HS3ST3A1: variants seen among roughly 807,000 people sequenced by gnomAD.
The protein encoded by HS3ST3A1 is heparan sulfate-glucosamine 3-sulfotransferase 3A1, also known as heparan sulfate glucosamine 3-O-sulfotransferase 3A1.
Under a neutral mutation model 25.7 loss-of-function variants are expected in HS3ST3A1, and 19 were observed. The ratio of observed to expected loss-of-function variants is 0.74; its 90% confidence interval spans 0.52 to 1.08. The LOEUF (loss-of-function observed/expected upper bound fraction) is 1.08, where lower values mean the gene tolerates loss of function less well. Ranked by LOEUF, HS3ST3A1 falls within the 50% of genes least tolerant of loss-of-function variation. HS3ST3A1 has a pLI of 0.00. For synonymous variants in HS3ST3A1, 226 were observed against 278.6 expected, an observed-to-expected ratio of 0.81 and a Z score of 1.88; for missense variants, 459 against 594.3, an observed-to-expected ratio of 0.77 and a Z score of 2.37.
intron 1 of HS3ST3A1, among the ~76,000 whole-genome samples, chr17:13,569,847 C>T (rs927823397): frequency 7.2e-5 from 11 of 152,208 alleles, no homozygotes; most frequent in Admixed American, 1.3e-4. Flanking sequence ...TCAGCTCTGG[C>T]TGTCACCTTC....
At chr17:13,548,009 A>G (rs911051149) in intron 1 of HS3ST3A1, among the ~76,000 whole-genome samples, 4 of 151,544 alleles carry the variant, frequency 2.6e-5, no homozygotes, top group African/African-American at 9.7e-5. Flanking sequence ...ACAGCACAGT[A>G]GTCCTGATTA....
intron 1 of HS3ST3A1, among the ~76,000 whole-genome samples, chr17:13,509,000 C>T (rs1170380655): frequency 6.6e-6 from 1 of 150,970 alleles, no homozygotes; most frequent in Non-Finnish European, 1.5e-5. Flanking sequence ...CCAATCTTGC[C>T]TCACCCTGGT....
At chr17:13,599,818 T>C (rs1908671788) in intron 1 of HS3ST3A1, among the ~76,000 whole-genome samples, 3 of 152,250 alleles carry the variant, frequency 2.0e-5, no homozygotes, top group African/African-American at 7.2e-5. Context: ...GTAAAGAGGA[T>C]TGAAGATCTT....
chr17:13,536,370 A>G (rs959700069), intron 1 of HS3ST3A1, among the ~76,000 whole-genome samples: 2 of 152,152 alleles, frequency 1.3e-5, no homozygotes, highest in Non-Finnish European at 2.9e-5. Context: ...ATTTTCTTTT[A>G]TAGACGTGAG....
chr17:13,582,694 A>G (rs749962470), intron 1 of HS3ST3A1, among the ~76,000 whole-genome samples: 1 of 152,148 alleles, frequency 6.6e-6, no homozygotes, highest in Non-Finnish European at 1.5e-5. Context: ...TTTGCATAGT[A>G]CTACTTTCTC....
At chr17:13,569,707 C>A (rs1395729914) in intron 1 of HS3ST3A1, among the ~76,000 whole-genome samples, 1 of 152,202 alleles carries the variant, frequency 6.6e-6, no homozygotes, top group Non-Finnish European at 1.5e-5. Context: ...TGCAAGAGAC[C>A]TCCACTGGGA....
At chr17:13,595,776 G>T (rs917569326) in intron 1 of HS3ST3A1, among the ~76,000 whole-genome samples, 1 of 152,154 alleles carries the variant, frequency 6.6e-6, no homozygotes, top group Non-Finnish European at 1.5e-5. Flanking sequence ...ACTGGGCCCA[G>T]CAATTTGACT....
In HS3ST3A1 at chr17:13,494,671, T is replaced by A. The variant is rs935902640; in HGVS notation, c.*1526A>T. Reference sequence around the variant, plus strand: ...TAAAATGTTGCTGACAGGCTAATTATAAATGTTTTATATATTTCGTGCATA... The same window carrying A: ...TAAAATGTTGCTGACAGGCTAATTAAAAATGTTTTATATATTTCGTGCATA... On this transcript the variant is annotated 3_prime_UTR_variant, in exon 2 of 2. Coordinates refer to ENST00000284110, the MANE Select transcript of HS3ST3A1 (RefSeq NM_006042.3). 2.0e-5 allele frequency among the ~76,000 whole-genome samples: 3 copies of A among 152,238 alleles called. No homozygotes were observed. Among genetic ancestry groups the A allele is most frequent in the Non-Finnish European group, 4.4e-5 (3 of 68,042 alleles).
intron 1 of HS3ST3A1, among the ~76,000 whole-genome samples, chr17:13,557,772 C>G (rs757385989): frequency 6.6e-6 from 1 of 152,154 alleles, no homozygotes; most frequent in African/African-American, 2.4e-5. Context: ...GAGGAGCAGA[C>G]AGGTTGAGAT....
Position 13,495,244 on chromosome 17 carries a change from C to A in HS3ST3A1, c.*953G>T, listed in dbSNP as rs944205047. The stretch of plus-strand genomic sequence containing the variant: ...GTGGCTGGCCACCTTGTCCTCCATG[C>A]AAGAATCCAATAATTCCTCTCCAAT... On this transcript the variant is annotated 3_prime_UTR_variant, in exon 2 of 2. Coordinates refer to ENST00000284110, the MANE Select transcript of HS3ST3A1 (RefSeq NM_006042.3). Among the ~76,000 whole-genome samples, 2 of 152,100 alleles carry A rather than the reference C, an allele frequency of 1.3e-5. No homozygotes were observed. Among genetic ancestry groups the A allele is most frequent in the South Asian group, 4.2e-4 (2 of 4,814 alleles).
At chr17:13,586,730 C>T (rs1031378377) in intron 1 of HS3ST3A1, among the ~76,000 whole-genome samples, 5 of 150,142 alleles carry the variant, frequency 3.3e-5, no homozygotes, top group East Asian at 2.0e-4. Flanking sequence ...ATTAGCCAAG[C>T]GTGGTGGCGG....
chr17:13,504,718 G>A (rs976423142), intron 1 of HS3ST3A1, among the ~76,000 whole-genome samples: 4 of 152,140 alleles, frequency 2.6e-5, no homozygotes, highest in African/African-American at 9.7e-5. Flanking sequence ...TTTTTTTAAA[G>A]GGTATTTGCG....
intron 1 of HS3ST3A1, among the ~76,000 whole-genome samples, chr17:13,587,409 G>A (rs1963229): frequency 0.62 from 94,215 of 152,120 alleles, 31,142 homozygotes; most frequent in East Asian, 0.9. Context: ...AGCTGATATC[G>A]TGCCACTGCA....
chr17:13,587,176 C>A (rs112682783), intron 1 of HS3ST3A1, among the ~76,000 whole-genome samples: 10 of 151,904 alleles, frequency 6.6e-5, no homozygotes, highest in Admixed American at 5.2e-4. Context: ...ATCTTTGAGG[C>A]CGGGCACGGT....
intron 1 of HS3ST3A1, among the ~76,000 whole-genome samples, chr17:13,588,849 A>AATTTTTTTGT (rs1210438225): frequency 6.6e-6 from 1 of 152,018 alleles, no homozygotes; most frequent in Non-Finnish European, 1.5e-5. Context: ...ACGCCCAGCT[A>AATTTTTTTGT]ATTTTTTTGT....
chr17:13,538,790 T>C (rs2142341204), intron 1 of HS3ST3A1, among the ~76,000 whole-genome samples: 1 of 152,250 alleles, frequency 6.6e-6, no homozygotes, highest in African/African-American at 2.4e-5. Context: ...AGAGCCTATC[T>C]GGAGAAGGAA....
intron 1 of HS3ST3A1, among the ~76,000 whole-genome samples, chr17:13,561,660 G>A (rs1357809830): frequency 6.6e-6 from 1 of 152,080 alleles, no homozygotes; most frequent in East Asian, 1.9e-4. Context: ...CCAAAGTGCT[G>A]GGATTACAGG....
intron 1 of HS3ST3A1, among the ~76,000 whole-genome samples, chr17:13,542,686 C>T (rs1335944576): frequency 6.6e-6 from 1 of 151,934 alleles, no homozygotes; most frequent in Non-Finnish European, 1.5e-5. Context: ...CTCATCATTC[C>T]CAAAACCCTT....
chr17:13,503,692 G>C (rs1000506573), intron 1 of HS3ST3A1, among the ~76,000 whole-genome samples: 1 of 152,136 alleles, frequency 6.6e-6, no homozygotes, highest in African/African-American at 2.4e-5. Context: ...CACACCCACT[G>C]GTCATCTAGA....
Sources: allele counts gnomAD v4.1 joint callset (sites outside exome capture counted in the v4.1 genomes callset), GRCh38; gene constraint gnomAD v4.1.1; transcripts MANE v1.5; gene names NCBI Gene and HGNC (gene_info 2026-07-23, HGNC 2026-07-21).